GNAI3: variants seen among roughly 807,000 people sequenced by gnomAD.
The protein encoded by GNAI3 is G protein subunit alpha i3.
Under a neutral mutation model 41.8 loss-of-function variants are expected in GNAI3, and 12 were observed. The observed-to-expected ratio is 0.29, with a 90% CI of 0.18 to 0.47. The LOEUF (loss-of-function observed/expected upper bound fraction) is 0.47. Among genes scored for constraint, GNAI3 ranks in the 20% least tolerant of loss-of-function variants. The pLI, the probability that GNAI3 is intolerant of heterozygous loss-of-function variation, is 1.00. For missense variants in GNAI3, 360 were observed against 429.6 expected (o/e 0.84, Z 1.43); for synonymous variants, 132 against 146.5 (o/e 0.90, Z 0.71).
chr1:109,581,046 A>G (rs1373771169), intron 4 of GNAI3, among the ~76,000 whole-genome samples: 1 of 152,150 alleles, frequency 6.6e-6, no homozygotes, highest in African/African-American at 2.4e-5. Context: ...TGAATCCTCT[A>G]ACTACATGTG....
In GNAI3 at chr1:109,598,815, A is replaced by G; in HGVS notation, c.*6493A>G. On this transcript the variant is annotated 3_prime_UTR_variant, in exon 9 of 9. Coordinates refer to ENST00000369851, the MANE Select transcript of GNAI3 (RefSeq NM_006496.4). ...CAGAAATGTTTTCATGCTTTTACCTAGCAGGACCACCAGAGGCTCTGTCAC... is the reference window on the plus strand; with the variant it reads ...CAGAAATGTTTTCATGCTTTTACCTGGCAGGACCACCAGAGGCTCTGTCAC... 1 of 513,508 alleles carries G rather than the reference A, an allele frequency of 1.9e-6. No homozygotes were observed. Among genetic ancestry groups the G allele is most frequent in the Non-Finnish European group, 4.1e-6 (1 of 243,574 alleles). The allele number at this position is 513,508 out of a possible 1,614,324, so 31.8% of individuals were successfully genotyped here. A position where few individuals can be genotyped will look rare whatever the true frequency, so the allele number is the denominator to read the frequency against.
intron 4 of GNAI3, among the ~76,000 whole-genome samples, chr1:109,579,730 A>G (rs191943364): frequency 5.4e-4 from 82 of 152,318 alleles, no homozygotes; most frequent in African/African-American, 1.8e-3. Context: ...AAATTAGAAT[A>G]GTGGTATTCC....
chr1:109,557,800 C>T (rs1452928073), intron 1 of GNAI3, among the ~76,000 whole-genome samples: 1 of 152,174 alleles, frequency 6.6e-6, no homozygotes, highest in African/African-American at 2.4e-5. Flanking sequence ...CCAGCCTTGT[C>T]ATCTGCCAAC....
intron 1 of GNAI3, among the ~76,000 whole-genome samples, chr1:109,556,797 G>A (rs1648166270): frequency 6.6e-6 from 1 of 152,132 alleles, no homozygotes; most frequent in Non-Finnish European, 1.5e-5. Context: ...GTCATTACTA[G>A]ATTCCAGATT....
chr1:109,551,517 C>T (rs1020877638), intron 1 of GNAI3, among the ~76,000 whole-genome samples: 4 of 152,100 alleles, frequency 2.6e-5, no homozygotes, highest in Admixed American at 6.5e-5. Flanking sequence ...TAGCATGGGT[C>T]CTGAAGTCAG....
chr1:109,550,244 G>C (rs1647946594), intron 1 of GNAI3, among the ~76,000 whole-genome samples: 1 of 152,148 alleles, frequency 6.6e-6, no homozygotes, highest in African/African-American at 2.4e-5. Flanking sequence ...TATTTGGTTG[G>C]TTGTAGATTG....
rs1182376787 is a variant in GNAI3 at position 109,580,409 on chromosome 1, A to G, written c.461+1048A>G. Among the ~76,000 whole-genome samples the G allele has an allele frequency of 5.9e-5, 9 of 152,182 alleles. 1 individual carries two copies. In the South Asian group the frequency reaches 1.0e-3, roughly 18 times the overall value. On this transcript the variant is annotated intron_variant, in intron 4 of 8. Transcript: ENST00000369851. The stretch of plus-strand genomic sequence containing the variant: ...TTTAAGCATTAAAGTTTTTTCTCCA[A>G]TATTACTGTTTTCCTACTTTTCACG...
intron 4 of GNAI3, 146 bp from the exon 5 acceptor site, chr1:109,582,291 T>C (rs1648914131): frequency 3.7e-6 from 2 of 534,492 alleles, no homozygotes; most frequent in Admixed American, 5.9e-5. Context: ...ATGCCTGGCT[T>C]ATCATTTCTA....
chr1:109,554,100 G>A (rs374100292), intron 1 of GNAI3, among the ~76,000 whole-genome samples: 18 of 133,640 alleles, frequency 1.3e-4, no homozygotes, highest in East Asian at 6.8e-4. Context: ...GTGTGTGTGT[G>A]TATATCACAT....
At chr1:109,590,318 G>A (rs1181854665) in intron 7 of GNAI3, among the ~76,000 whole-genome samples, 2 of 152,174 alleles carry the variant, frequency 1.3e-5, no homozygotes, top group African/African-American at 4.8e-5. Context: ...AAAGCAAAGA[G>A]CCTTTAATAT....
chr1:109,558,746 G>A (rs1019169758), intron 1 of GNAI3, among the ~76,000 whole-genome samples: 11 of 152,112 alleles, frequency 7.2e-5, no homozygotes, highest in African/African-American at 2.7e-4. Flanking sequence ...TTGTTAGAGA[G>A]TAGGTAAAAA....
chr1:109,585,531 A>T (rs17024010), intron 5 of GNAI3, among the ~76,000 whole-genome samples: 3,763 of 149,840 alleles, frequency 0.025, 187 homozygotes, highest in African/African-American at 0.086. Context: ...TTAATCTCTA[A>T]TTTTTTTTTT....
At chr1:109,579,583 A>C (rs1648836094) in intron 4 of GNAI3, among the ~76,000 whole-genome samples, 1 of 152,246 alleles carries the variant, frequency 6.6e-6, no homozygotes, top group Non-Finnish European at 1.5e-5. Context: ...ACTTGGCACC[A>C]CAAAATTAGT....
chr1:109,566,212 C>T (rs1055197079), intron 1 of GNAI3, among the ~76,000 whole-genome samples: 2 of 152,108 alleles, frequency 1.3e-5, no homozygotes, highest in African/African-American at 2.4e-5. Context: ...AGGGGTTTTA[C>T]GGATGCTTAT....
chr1:109,548,711 C>T lies in GNAI3; in HGVS notation c.-10C>T, dbSNP rs374285132. 3.8e-6 allele frequency: 6 copies of T among 1,598,732 alleles called. No homozygotes were observed. The highest frequency in any genetic ancestry group is 1.7e-5 in the Admixed American group (1 of 59,820). On this transcript the variant is annotated 5_prime_UTR_variant, in exon 1 of 9. Coordinates refer to ENST00000369851, the MANE Select transcript of GNAI3 (RefSeq NM_006496.4). ...GAGTCCGGGCCCGTGTCCCCTCTCC[C>T]GCCGCCGCCATGGGCTGCACGTTGA...
chr1:109,595,134 A>C lies in GNAI3; in HGVS notation c.*2812A>C, dbSNP rs188876501. ...TTGCCTTGTGTGTTTCCTCTGAAGA[A>C]TGCTGGAGATTTGTGATGGATAATG... On this transcript the variant is annotated 3_prime_UTR_variant, in exon 9 of 9. Coordinates refer to ENST00000369851, the MANE Select transcript of GNAI3 (RefSeq NM_006496.4). 209 of 152,350 alleles carry C rather than the reference A, an allele frequency of 1.4e-3. No homozygotes were observed. Among genetic ancestry groups the C allele is most frequent in the African/African-American group, 4.6e-3 (193 of 41,582 alleles). The allele number at this position is 152,350 out of a possible 1,614,324, so 9.4% of individuals were successfully genotyped here.
chr1:109,582,409 A>C, intron 4 of GNAI3, 28 bp from the exon 5 acceptor site: 1 of 1,593,456 alleles, frequency 6.3e-7, no homozygotes, highest in Non-Finnish European at 8.6e-7. Context: ...GGCTTCACCA[A>C]GTAAAAGTAA....
chr1:109,590,657 C>T (rs949104000), intron 7 of GNAI3, among the ~76,000 whole-genome samples: 7 of 151,734 alleles, frequency 4.6e-5, no homozygotes, highest in African/African-American at 1.5e-4. Context: ...CTCACTGCAA[C>T]CTCCACCTCC....
chr1:109,569,590 T>A (rs1205605154), intron 1 of GNAI3, among the ~76,000 whole-genome samples: 1 of 152,090 alleles, frequency 6.6e-6, no homozygotes. Flanking sequence ...AGAGTTGAGG[T>A]AAAAGTGAAG....
Sources: gnomAD v4.1 joint callset for allele counts (sites outside exome capture counted in the v4.1 genomes callset) on GRCh38, gnomAD v4.1.1 for gene constraint, MANE v1.5 for transcripts, NCBI Gene and HGNC (gene_info 2026-07-23, HGNC 2026-07-21) for gene names.